Variants in SPAG16 observed in about 807,000 individuals in gnomAD.
SPAG16 encodes the protein sperm associated antigen 16.
In SPAG16, 86 loss-of-function variants were observed where a neutral mutation model predicts 80.4. That is an observed-to-expected ratio of 1.07 (90% CI 0.90 to 1.28). The LOEUF (loss-of-function observed/expected upper bound fraction) is 1.28, where lower values mean the gene tolerates loss of function less well. SPAG16 is among the 50% of genes most tolerant of loss of function. SPAG16 has a pLI of 0.00. For synonymous variants in SPAG16, 294 were observed against 265.9 expected, an observed-to-expected ratio of 1.11 and a Z score of -1.03; for missense variants, 870 against 765.3, an observed-to-expected ratio of 1.14 and a Z score of -1.61.
intron 7 of SPAG16, among the ~76,000 whole-genome samples, chr2:213,356,325 C>G (rs1217801359): frequency 6.6e-6 from 1 of 152,140 alleles, no homozygotes; most frequent in African/African-American, 2.4e-5. Flanking sequence ...AGGAATGGTA[C>G]CAGCTCCTCT....
At chr2:213,586,550 G>A (rs977949224) in intron 10 of SPAG16, among the ~76,000 whole-genome samples, 2 of 152,176 alleles carry the variant, frequency 1.3e-5, no homozygotes. Flanking sequence ...TCAAATTCAT[G>A]TTCTTCTTAC....
At chr2:214,334,079 C>T (rs374082991) in intron 15 of SPAG16, among the ~76,000 whole-genome samples, 2 of 152,282 alleles carry the variant, frequency 1.3e-5, no homozygotes, top group East Asian at 3.9e-4. Flanking sequence ...GACCCAGCAC[C>T]CTCAGAAAGC....
intron 11 of SPAG16, among the ~76,000 whole-genome samples, chr2:213,864,420 G>T (rs549614949): frequency 2.0e-5 from 3 of 152,052 alleles, no homozygotes; most frequent in Non-Finnish European, 4.4e-5. Context: ...AAATAAGTTT[G>T]ATTTAAATAT....
chr2:214,361,058 A>G (rs1319298850), intron 15 of SPAG16, among the ~76,000 whole-genome samples: 1 of 151,784 alleles, frequency 6.6e-6, no homozygotes, highest in African/African-American at 2.4e-5. Flanking sequence ...TTAACAAGAT[A>G]TGTGGAGAAG....
chr2:213,976,070 TG>T (rs537122129), intron 12 of SPAG16, among the ~76,000 whole-genome samples: 49 of 148,642 alleles, frequency 3.3e-4, no homozygotes, highest in Non-Finnish European at 6.4e-4. Context: ...ATATGGCATC[TG>T]GCTTTCCTAA....
intron 10 of SPAG16, among the ~76,000 whole-genome samples, chr2:213,775,565 G>T (rs1428994737): frequency 6.6e-6 from 1 of 152,154 alleles, no homozygotes; most frequent in Non-Finnish European, 1.5e-5. Flanking sequence ...CTGTATAGTA[G>T]ATCTTCAGGA....
chr2:213,524,970 T>A (rs775818977), intron 10 of SPAG16, among the ~76,000 whole-genome samples: 10 of 152,148 alleles, frequency 6.6e-5, no homozygotes. Context: ...TGATATGGTT[T>A]GGCTGTTTCC....
At chr2:214,225,745 C>T (rs1231702969) in intron 15 of SPAG16, among the ~76,000 whole-genome samples, 1 of 152,058 alleles carries the variant, frequency 6.6e-6, no homozygotes, top group African/African-American at 2.4e-5. Context: ...ATTTACTTTA[C>T]TTATAATATA....
chr2:213,284,656 C>T (rs1559369653), intron 1 of SPAG16, 37 bp downstream of exon 1: 2 of 1,593,282 alleles, frequency 1.3e-6, no homozygotes, highest in Admixed American at 1.7e-5. Context: ...GCTGCGCTGG[C>T]GGGTAATGGG....
intron 12 of SPAG16, among the ~76,000 whole-genome samples, chr2:213,977,435 G>GC (rs143265667): frequency 0.057 from 8,691 of 151,414 alleles, 791 homozygotes; most frequent in African/African-American, 0.19. Flanking sequence ...GCAGGTTACT[G>GC]CCCCCCCCAT....
In SPAG16 at chr2:213,777,690, A is replaced by C. The variant is rs2069688165; in HGVS notation, c.1071-84795A>C. 2.0e-5 allele frequency among the ~76,000 whole-genome samples: 3 copies of C among 152,044 alleles called. No individual in the cohort carries two copies. In the South Asian group the frequency reaches 6.2e-4, roughly 32 times the overall value. On this transcript the variant is annotated intron_variant, in intron 10 of 15. Transcript: ENST00000331683. ...CCAAAGTGTTGGGATTACAGGCGTG[A>C]GCCGCCCAACTAATTTTTGTATTTT...
At chr2:214,200,621 T>C (rs911900334) in intron 15 of SPAG16, among the ~76,000 whole-genome samples, 11 of 152,048 alleles carry the variant, frequency 7.2e-5, no homozygotes, top group African/African-American at 2.4e-4. Context: ...TGCAGTGTGC[T>C]GAGATTGCAC....
chr2:213,462,163 C>A (rs1157725421), intron 9 of SPAG16, among the ~76,000 whole-genome samples: 1 of 152,174 alleles, frequency 6.6e-6, no homozygotes, highest in Non-Finnish European at 1.5e-5. Context: ...TATCTTACCC[C>A]ATGCTGTCAA....
chr2:214,384,972 T>C (rs1056730080), intron 15 of SPAG16, among the ~76,000 whole-genome samples: 2 of 152,230 alleles, frequency 1.3e-5, no homozygotes, highest in African/African-American at 4.8e-5. Context: ...CATTTTAACA[T>C]TATATTTTCA....
intron 11 of SPAG16, among the ~76,000 whole-genome samples, chr2:213,897,280 A>G (rs2077032852): frequency 6.6e-6 from 1 of 152,176 alleles, no homozygotes; most frequent in Non-Finnish European, 1.5e-5. Context: ...ATCTTTGGCT[A>G]TGACTTACAA....
intron 13 of SPAG16, among the ~76,000 whole-genome samples, chr2:214,025,798 A>G (rs1342296811): frequency 6.6e-6 from 1 of 151,514 alleles, no homozygotes; most frequent in Non-Finnish European, 1.5e-5. Flanking sequence ...TTCAATAAAG[A>G]AAATACTGTA....
chr2:213,706,073 G>A (rs898195002), intron 10 of SPAG16, among the ~76,000 whole-genome samples: 12 of 152,134 alleles, frequency 7.9e-5, no homozygotes, highest in African/African-American at 2.9e-4. Context: ...TTATATACCT[G>A]GCAAAAGAAA....
chr2:214,301,713 T>A (rs1453459158), intron 15 of SPAG16, among the ~76,000 whole-genome samples: 2 of 152,176 alleles, frequency 1.3e-5, no homozygotes, highest in Non-Finnish European at 2.9e-5. Context: ...TTTTGTTTAT[T>A]CTTTCAAAGA....
chr2:213,696,114 A>C (rs543396234), intron 10 of SPAG16, among the ~76,000 whole-genome samples: 1 of 152,280 alleles, frequency 6.6e-6, no homozygotes, highest in South Asian at 2.1e-4. Context: ...TGATCTATGG[A>C]TATGGAAGTT....
Sources: allele counts gnomAD v4.1 joint callset (sites outside exome capture counted in the v4.1 genomes callset), GRCh38; gene constraint gnomAD v4.1.1; transcripts MANE v1.5; gene names NCBI Gene and HGNC (gene_info 2026-07-23, HGNC 2026-07-21).